PARD3B: variants seen among roughly 807,000 people sequenced by gnomAD.
PARD3B encodes the protein par-3 family cell polarity regulator beta, also known as partitioning defective 3 homolog B.
A neutral mutation model predicts 130.2 loss-of-function variants in PARD3B; 103 were observed. That is an observed-to-expected ratio of 0.79 (90% CI 0.67 to 0.93). The LOEUF is 0.93. Among genes scored for constraint, PARD3B ranks in the 40% least tolerant of loss-of-function variants. The pLI, the probability that PARD3B is intolerant of heterozygous loss-of-function variation, is 0.00. For synonymous variants in PARD3B, 583 were observed against 553.2 expected (o/e 1.05, Z -0.76); for missense variants, 1,609 against 1,499.2 (o/e 1.07, Z -1.21).
chr2:204,633,816 A>G lies in PARD3B; in HGVS notation c.121-52365A>G, dbSNP rs1202218733. Among the ~76,000 whole-genome samples the G allele has an allele frequency of 2.0e-5, 3 of 152,302 alleles. No homozygotes were observed. The East Asian group carries it at 5.8e-4, about 29-fold the overall frequency. ...AACAGAGCGAGACTGTGTCTCAAAA[A>G]AACATATATTTTTAAACTTAATTTT... On this transcript the variant is annotated intron_variant, in intron 1 of 22. Transcript: ENST00000406610.
At chr2:205,426,040 T>C (rs1462276636) in intron 19 of PARD3B, among the ~76,000 whole-genome samples, 1 of 152,174 alleles carries the variant, frequency 6.6e-6, no homozygotes. Context: ...ATCCCATCAA[T>C]CTAGTTCCCT....
At chr2:204,900,539 A>G (rs1467919962) in intron 2 of PARD3B, among the ~76,000 whole-genome samples, 1 of 152,188 alleles carries the variant, frequency 6.6e-6, no homozygotes, top group Non-Finnish European at 1.5e-5. Flanking sequence ...CTTGAATTTC[A>G]TTGAGTTTCC....
intron 2 of PARD3B, among the ~76,000 whole-genome samples, chr2:204,749,356 ACT>A (rs962890247): frequency 3.3e-5 from 5 of 151,858 alleles, no homozygotes; most frequent in African/African-American, 1.2e-4. Context: ...TTGTAACAAC[ACT>A]CTTTTTATAT....
chr2:205,229,708 C>T lies in PARD3B; in HGVS notation c.2141-16070C>T, dbSNP rs1244623782. On this transcript the variant is annotated intron_variant, in intron 15 of 22. Coordinates refer to ENST00000406610, the MANE Select transcript of PARD3B (RefSeq NM_001302769.2). This position sits in a 1 kb window ranked among gnomAD's most constrained non-coding sequence, Gnocchi z 5.2. ...TAGGACACTAGAGCTCCGCAATAAGCAGGTGGTAAAGCCACCCAGGCTTGT... is the reference window on the plus strand; with the variant it reads ...TAGGACACTAGAGCTCCGCAATAAGTAGGTGGTAAAGCCACCCAGGCTTGT... Among the ~76,000 whole-genome samples, 1 of 152,106 alleles carries T rather than the reference C, an allele frequency of 6.6e-6. No homozygotes were observed. Among genetic ancestry groups the T allele is most frequent in the Non-Finnish European group, 1.5e-5 (1 of 68,018 alleles).
intron 21 of PARD3B, among the ~76,000 whole-genome samples, chr2:205,501,354 T>C (rs1484081408): frequency 6.6e-6 from 1 of 152,158 alleles, no homozygotes; most frequent in Non-Finnish European, 1.5e-5. Context: ...TTATTATAGA[T>C]GTTAGGATTA....
rs545092749 is a variant in PARD3B at position 204,664,475 on chromosome 2, C to T, written c.121-21706C>T. Among the ~76,000 whole-genome samples, 18 of 152,194 alleles carry T rather than the reference C, an allele frequency of 1.2e-4. No homozygotes were observed. The South Asian group carries it at 1.7e-3, about 14-fold the overall frequency. ...TACCACCCTCCCTGAAAGTTAGTTACGTTTTGATCATTGGTCTGCTATATT... is the reference window on the plus strand; with the variant it reads ...TACCACCCTCCCTGAAAGTTAGTTATGTTTTGATCATTGGTCTGCTATATT... On this transcript the variant is annotated intron_variant, in intron 1 of 22. Transcript: ENST00000406610. This position sits in a 1 kb window ranked among gnomAD's most constrained non-coding sequence, Gnocchi z 5.2.
At chr2:205,167,248 C>T (rs2034871866) in intron 11 of PARD3B, among the ~76,000 whole-genome samples, 1 of 152,088 alleles carries the variant, frequency 6.6e-6, no homozygotes, top group South Asian at 2.1e-4. Flanking sequence ...TTGCACCCCC[C>T]AGCAATCATA....
chr2:205,607,837 CACACACA>C (rs2055064091), intron 22 of PARD3B, among the ~76,000 whole-genome samples: 29 of 94,450 alleles, frequency 3.1e-4, no homozygotes, highest in African/African-American at 6.5e-4. Context: ...CCCATACACA[CACACACA>C]CACACACACA....
intron 2 of PARD3B, among the ~76,000 whole-genome samples, chr2:204,735,396 C>G (rs753420848): frequency 2.6e-5 from 4 of 151,948 alleles, no homozygotes; most frequent in African/African-American, 4.8e-5. Context: ...AAACTAAAAC[C>G]CTAATTTTCA....
intron 3 of PARD3B, among the ~76,000 whole-genome samples, chr2:205,035,585 A>C (rs1697761335): frequency 6.6e-6 from 1 of 151,658 alleles, no homozygotes; most frequent in Non-Finnish European, 1.5e-5. Context: ...CAGCCACATC[A>C]TTACTTCACC....
intron 15 of PARD3B, among the ~76,000 whole-genome samples, chr2:205,227,543 A>C (rs1035511499): frequency 6.6e-6 from 1 of 151,416 alleles, no homozygotes; most frequent in African/African-American, 2.4e-5. Flanking sequence ...ATCTTTTTTT[A>C]TCTATTTATT....
intron 18 of PARD3B, among the ~76,000 whole-genome samples, chr2:205,382,310 G>T (rs1435189983): frequency 6.6e-6 from 1 of 151,890 alleles, no homozygotes; most frequent in Non-Finnish European, 1.5e-5. Flanking sequence ...CTCAATTTGG[G>T]TTTTTCTTAC....
At chr2:205,577,610 A>G (rs1479650361) in intron 22 of PARD3B, among the ~76,000 whole-genome samples, 1 of 152,268 alleles carries the variant, frequency 6.6e-6, no homozygotes, top group African/African-American at 2.4e-5. Flanking sequence ...CTGAAAGAGT[A>G]CATGGGTAAC....
Position 204,961,660 on chromosome 2 carries a change from T to A in PARD3B, c.223-3492T>A, listed in dbSNP as rs557474686. On this transcript the variant is annotated intron_variant, in intron 2 of 22. Transcript: ENST00000406610. ...TATGCTCTTCAACATTTTTAGAGAC[T>A]AAATGTGGAAGATGACGAAGAAAAA... Among the ~76,000 whole-genome samples, 3 of 152,174 alleles carry A rather than the reference T, an allele frequency of 2.0e-5. 1 individual carries two copies. The highest frequency in any genetic ancestry group is 7.2e-5 in the African/African-American group (3 of 41,518).
At chr2:204,684,158 C>T (rs2036968366) in intron 1 of PARD3B, among the ~76,000 whole-genome samples, 1 of 152,108 alleles carries the variant, frequency 6.6e-6, no homozygotes, top group Non-Finnish European at 1.5e-5. Flanking sequence ...CTTTAACTTA[C>T]TGCAGTTGTG....
intron 2 of PARD3B, among the ~76,000 whole-genome samples, chr2:204,962,329 G>C (rs1265289314): frequency 6.6e-6 from 1 of 152,124 alleles, no homozygotes; most frequent in African/African-American, 2.4e-5. Flanking sequence ...TATTGTGTAG[G>C]GTGTGGGTTA....
At chr2:205,385,797 G>A (rs1331001516) in intron 18 of PARD3B, among the ~76,000 whole-genome samples, 1 of 151,954 alleles carries the variant, frequency 6.6e-6, no homozygotes, top group Non-Finnish European at 1.5e-5. Flanking sequence ...TAATTAAAAT[G>A]CATATATACG....
intron 2 of PARD3B, among the ~76,000 whole-genome samples, chr2:204,810,954 G>C (rs1345943525): frequency 6.6e-6 from 1 of 151,946 alleles, no homozygotes; most frequent in African/African-American, 2.4e-5. Context: ...TGTTGTTGTT[G>C]TTGGTAGGAT....
At chr2:205,113,233 T>G (rs1162077510) in intron 5 of PARD3B, among the ~76,000 whole-genome samples, 1 of 152,152 alleles carries the variant, frequency 6.6e-6, no homozygotes, top group Admixed American at 6.6e-5. Flanking sequence ...AGGAAGTTAT[T>G]TTTGTAGGTA....
Sources: allele counts gnomAD v4.1 joint callset (sites outside exome capture counted in the v4.1 genomes callset), GRCh38; gene constraint gnomAD v4.1.1; non-coding constraint Gnocchi (gnomAD v3.1); transcripts MANE v1.5; gene names NCBI Gene and HGNC (gene_info 2026-07-23, HGNC 2026-07-21).